Variants in ABHD6 observed in about 807,000 individuals in gnomAD.
ABHD6 encodes monoacylglycerol lipase ABHD6.
Under a neutral mutation model 38.8 loss-of-function variants are expected in ABHD6, and 33 were observed. That is an observed-to-expected ratio of 0.85 (90% confidence interval 0.64 to 1.14). The LOEUF is 1.14. ABHD6 is among the 50% of genes most tolerant of loss of function. ABHD6 has a pLI of 0.00. For missense variants in ABHD6, 380 were observed against 422.6 expected, an observed-to-expected ratio of 0.90 and a Z score of 0.88; for synonymous variants, 147 against 161.6, an observed-to-expected ratio of 0.91 and a Z score of 0.69.
In ABHD6 at chr3:58,285,406, G is replaced by A. The variant is rs750011197; in HGVS notation, c.790G>A (p.Asp264Asn). ...CAGATACTCTCTCCATCAGAACATG[G>A]ACAAGATCAAGGTTCCGACGCAGAT... ...KSRYSLHQNMDKIKVPTQIIW... is the reference protein window; with the variant it reads ...KSRYSLHQNMNKIKVPTQIIW... The change falls in exon 9 of 10, where the codon GAC becomes AAC. Residue 264 changes from aspartate to asparagine, a missense_variant. Asp to Asn is a conservative substitution (Grantham distance 23). Transcript: ENST00000478253. The surrounding 1 kb of genome is among the most constrained non-coding windows in gnomAD (Gnocchi z 4.9). 2 of 1,614,110 alleles carry A rather than the reference G, an allele frequency of 1.2e-6. No individual in the cohort carries two copies. The highest frequency in any genetic ancestry group is 1.7e-6 in the Non-Finnish European group (2 of 1,179,984).
At chr3:58,292,873 G>A (rs145362565) in intron 9 of ABHD6, among the ~76,000 whole-genome samples, 1,569 of 152,224 alleles carry the variant, frequency 0.01, 32 homozygotes, top group African/African-American at 0.036. Flanking sequence ...TTGAGATCAC[G>A]CCACTTCATT....
rs1481128162 is a variant in ABHD6 at position 58,273,054 on chromosome 3, A to G, written c.524-1604A>G. On this transcript the variant is annotated intron_variant, in intron 6 of 9. Coordinates refer to ENST00000478253, the MANE Select transcript of ABHD6 (RefSeq NM_001320126.2). This position sits in a 1 kb window ranked among gnomAD's most constrained non-coding sequence, Gnocchi z 4.8. ...ATGTCCTTTTTCTGTTCTGGGATCC[A>G]GTCCAGGATGTACCACATGACATCT... Among the ~76,000 whole-genome samples the G allele has an allele frequency of 6.6e-6, 1 of 152,208 alleles. No homozygotes were observed. Among genetic ancestry groups the G allele is most frequent in the African/African-American group, 2.4e-5 (1 of 41,452 alleles).
intron 5 of ABHD6, among the ~76,000 whole-genome samples, chr3:58,270,681 C>G (rs6794472): frequency 0.037 from 5,667 of 152,040 alleles, 338 homozygotes; most frequent in African/African-American, 0.13. Context: ...GAAAAGTTTG[C>G]TGACTCATTA....
At chr3:58,241,080 G>T (rs2097422503) in intron 1 of ABHD6, among the ~76,000 whole-genome samples, 1 of 152,118 alleles carries the variant, frequency 6.6e-6, no homozygotes, top group African/African-American at 2.4e-5. Flanking sequence ...GTCACAACTT[G>T]TAGGTAACAT....
At chr3:58,274,635 C>T (rs1280690516) in intron 6 of ABHD6, 23 bp from the exon 7 acceptor site, 5 of 1,607,952 alleles carry the variant, frequency 3.1e-6, no homozygotes, top group African/African-American at 2.7e-5. Flanking sequence ...TATCATCAAG[C>T]CATTTGGGTT....
intron 9 of ABHD6, among the ~76,000 whole-genome samples, chr3:58,290,681 C>T (rs79002137): frequency 6.1e-5 from 9 of 148,714 alleles, no homozygotes; most frequent in Non-Finnish European, 1.0e-4. Flanking sequence ...TGGGCAGAGA[C>T]GCTTCTCACC....
At chr3:58,261,302 C>CAA (rs146972936) in intron 3 of ABHD6, among the ~76,000 whole-genome samples, 1 of 151,606 alleles carries the variant, frequency 6.6e-6, no homozygotes, top group African/African-American at 2.4e-5. Flanking sequence ...ATAGAAAGTC[C>CAA]AAAAAAAATC....
chr3:58,271,766 G>GTTTTTTTTTTTTTTTTTTTTTTT lies in ABHD6; in HGVS notation c.523+704_523+726dup, dbSNP rs3038091. On this transcript the variant is annotated intron_variant, in intron 6 of 9. Transcript: ENST00000478253. ...CTCTCCTCTATCTCCCCCTCTCTCT[G>GTTTTTTTTTTTTTTTTTTTTTTT]TTTTTTTTTTTTTTTTTTTTTTTTG... is the stretch of plus-strand genomic sequence containing the variant. 1.6e-4 allele frequency among the ~76,000 whole-genome samples: 10 copies of GTTTTTTTTTTTTTTTTTTTTTTT among 63,632 alleles called. 2 individuals carry two copies. The highest frequency in any genetic ancestry group is 5.6e-4 in the East Asian group (1 of 1,800). The allele number at this position is 63,632 out of a possible 152,430, so 41.7% of individuals were successfully genotyped here.
At chr3:58,260,769 C>G (rs7624317) in intron 3 of ABHD6, among the ~76,000 whole-genome samples, 1 of 152,086 alleles carries the variant, frequency 6.6e-6, no homozygotes, top group African/African-American at 2.4e-5. Flanking sequence ...AGTCCCCGTT[C>G]CCCGCTGCCC....
chr3:58,276,749 T>A (rs2097449014), intron 7 of ABHD6, among the ~76,000 whole-genome samples: 1 of 152,222 alleles, frequency 6.6e-6, no homozygotes, highest in East Asian at 1.9e-4. Flanking sequence ...TGGTTTTAGG[T>A]CTAACATTTA....
intron 2 of ABHD6, among the ~76,000 whole-genome samples, chr3:58,253,731 C>T (rs983813054): frequency 1.3e-5 from 2 of 152,172 alleles, no homozygotes; most frequent in Non-Finnish European, 2.9e-5. Context: ...GCTCTGGTTC[C>T]AGAAGGAGAA....
Position 58,259,219 on chromosome 3 carries a change from A to G in ABHD6, c.119+2514A>G, listed in dbSNP as rs1466415547. Among the ~76,000 whole-genome samples the G allele has an allele frequency of 3.9e-5, 6 of 152,224 alleles. No homozygotes were observed. Among genetic ancestry groups the G allele is most frequent in the Non-Finnish European group, 8.8e-5 (6 of 68,038 alleles). On this transcript the variant is annotated intron_variant, in intron 3 of 9. Transcript: ENST00000478253. This position sits in a 1 kb window ranked among gnomAD's most constrained non-coding sequence, Gnocchi z 4.7. The stretch of plus-strand genomic sequence containing the variant: ...ATGTGGAAACTAGCCTCAATGCTGC[A>G]TAGTCCCCCAACAGTTCCCTGGGCT...
rs1172163880 is a variant in ABHD6 at position 58,249,903 on chromosome 3, G to T, written c.-65G>T. The T allele has an allele frequency of 1.3e-5, 2 of 152,174 alleles. No homozygotes were observed. Among genetic ancestry groups the T allele is most frequent in the African/African-American group, 2.4e-5 (1 of 41,432 alleles). The allele number at this position is 152,174 out of a possible 1,614,324, so 9.4% of individuals were successfully genotyped here. On this transcript the variant is annotated 5_prime_UTR_variant, in exon 2 of 10. Coordinates refer to ENST00000478253, the MANE Select transcript of ABHD6 (RefSeq NM_001320126.2). Reference sequence around the variant, plus strand: ...AATCTCATTTTCAGCTTCTGCCAGAGCCAGTAGCAGTTGGGAAAGAAGGCT... The same window carrying T: ...AATCTCATTTTCAGCTTCTGCCAGATCCAGTAGCAGTTGGGAAAGAAGGCT...
intron 2 of ABHD6, among the ~76,000 whole-genome samples, chr3:58,255,163 C>T (rs928011884): frequency 2.6e-5 from 4 of 152,202 alleles, no homozygotes; most frequent in African/African-American, 4.8e-5. Context: ...CCAGTCCTTA[C>T]TCTCATGCAT....
intron 7 of ABHD6, among the ~76,000 whole-genome samples, chr3:58,283,436 C>G (rs2097454734): frequency 6.6e-6 from 1 of 152,218 alleles, no homozygotes; most frequent in Non-Finnish European, 1.5e-5. Flanking sequence ...GTGTCTTCCA[C>G]TAGGGACTTT....
In ABHD6 at chr3:58,286,005, T is replaced by G. The variant is rs933856082; in HGVS notation, c.837+552T>G. On this transcript the variant is annotated intron_variant, in intron 9 of 9. Coordinates refer to ENST00000478253, the MANE Select transcript of ABHD6 (RefSeq NM_001320126.2). ...GGTGCCCTCCACCATGCTCACCTAA[T>G]TTTTGTTTTTTGTTCTTTTGTTTTT... is the stretch of plus-strand genomic sequence containing the variant. Among the ~76,000 whole-genome samples, 4 of 116,624 alleles carry G rather than the reference T, an allele frequency of 3.4e-5. No individual in the cohort carries two copies. In the Admixed American group the frequency reaches 3.7e-4, roughly 11 times the overall value. The allele number at this position is 116,624 out of a possible 152,430, so 76.5% of individuals were successfully genotyped here.
rs942156160 is a variant in ABHD6, at chr3:58,263,766, A to G, written c.120-3423A>G. Among the ~76,000 whole-genome samples the G allele has an allele frequency of 6.6e-6, 1 of 152,210 alleles. No individual in the cohort carries two copies. The highest frequency in any genetic ancestry group is 1.5e-5 in the Non-Finnish European group (1 of 68,036). Reference sequence around the variant, plus strand: ...TCACACTGTACTTTGTATGAGAGTTATAGAGAATTTGATGATTATAAAAAC... The same window carrying G: ...TCACACTGTACTTTGTATGAGAGTTGTAGAGAATTTGATGATTATAAAAAC... On this transcript the variant is annotated intron_variant, in intron 3 of 9. Coordinates refer to ENST00000478253, the MANE Select transcript of ABHD6 (RefSeq NM_001320126.2). This position sits in a 1 kb window ranked among gnomAD's most constrained non-coding sequence, Gnocchi z 4.9.
At chr3:58,270,800 A>T in intron 5 of ABHD6, 132 bp from the exon 6 acceptor site, 1 of 980,988 alleles carries the variant, frequency 1.0e-6, no homozygotes. Context: ...TGGATCCAGT[A>T]GAGTTTCAGA....
At position 58,238,843 on chromosome 3, in the gene ABHD6, C is replaced by G. The variant is rs1287332035; in HGVS notation, c.-91+927C>G. Reference sequence around the variant, plus strand: ...TATCTCGCCGCCCCCCTCCCCGCTGCTCCCGCCTGCTCAGAAATCCCTAGT... The same window carrying G: ...TATCTCGCCGCCCCCCTCCCCGCTGGTCCCGCCTGCTCAGAAATCCCTAGT... On this transcript the variant is annotated intron_variant, in intron 1 of 9. Coordinates refer to ENST00000478253, the MANE Select transcript of ABHD6 (RefSeq NM_001320126.2). The surrounding 1 kb of genome is among the most constrained non-coding windows in gnomAD (Gnocchi z 6.9). Among the ~76,000 whole-genome samples, 1 of 152,182 alleles carries G rather than the reference C, an allele frequency of 6.6e-6. No homozygotes were observed. The highest frequency in any genetic ancestry group is 1.5e-5 in the Non-Finnish European group (1 of 68,030).
Sources: allele counts gnomAD v4.1 joint callset (sites outside exome capture counted in the v4.1 genomes callset), GRCh38; gene constraint gnomAD v4.1.1; non-coding constraint Gnocchi (gnomAD v3.1); transcripts MANE v1.5; gene names NCBI Gene and HGNC (gene_info 2026-07-23, HGNC 2026-07-21).